The following EMCN variants were observed in gnomAD, a reference collection of about 807,000 sequenced individuals.
EMCN encodes endomucin.
EMCN carries 37 observed loss-of-function variants against 38.4 expected under a neutral mutation model. The ratio of observed to expected loss-of-function variants is 0.96; its 90% CI spans 0.74 to 1.27. The LOEUF is 1.27. Among genes scored for constraint, EMCN ranks in the 50% most tolerant of loss-of-function variants. The pLI is 0.00. For missense variants in EMCN, 318 were observed against 302.8 expected (o/e 1.05, Z -0.37); for synonymous variants, 95 against 100.8 (o/e 0.94, Z 0.35).
At chr4:100,430,552 T>G (rs945332979) in intron 5 of EMCN, among the ~76,000 whole-genome samples, 1 of 151,772 alleles carries the variant, frequency 6.6e-6, no homozygotes, top group Admixed American at 6.6e-5. Flanking sequence ...TGTCGTAGAG[T>G]TCATTGGAGA....
chr4:100,410,741 G>A (rs1424009611), intron 10 of EMCN, among the ~76,000 whole-genome samples: 2 of 152,150 alleles, frequency 1.3e-5, no homozygotes, highest in Non-Finnish European at 2.9e-5. Flanking sequence ...ATTTTATCAG[G>A]AAGACATTCT....
At chr4:100,417,244 G>T in intron 8 of EMCN, 103 bp from the exon 9 acceptor site, 1 of 986,658 alleles carries the variant, frequency 1.0e-6, no homozygotes, top group Non-Finnish European at 1.6e-6. Context: ...TCTTTTCTAT[G>T]CAGAGATGTT....
chr4:100,487,409 C>A (rs924373292), intron 1 of EMCN, among the ~76,000 whole-genome samples: 1 of 152,142 alleles, frequency 6.6e-6, no homozygotes, highest in Non-Finnish European at 1.5e-5. Flanking sequence ...CTGAGGGGAG[C>A]AGCACTGCTT....
intron 2 of EMCN, 57 bp from the exon 3 acceptor site, chr4:100,475,166 A>G: frequency 1.1e-6 from 1 of 910,370 alleles, no homozygotes; most frequent in Non-Finnish European, 1.6e-6. Context: ...TTATCTGTCA[A>G]TAAATAAAGT....
intron 5 of EMCN, among the ~76,000 whole-genome samples, chr4:100,429,945 A>G (rs1051188491): frequency 6.6e-5 from 10 of 152,166 alleles, no homozygotes; most frequent in African/African-American, 2.2e-4. Flanking sequence ...TCTTTCTAAT[A>G]TGCCATGTAA....
chr4:100,490,638 T>G (rs1453236353), intron 1 of EMCN, among the ~76,000 whole-genome samples: 1 of 152,160 alleles, frequency 6.6e-6, no homozygotes, highest in Non-Finnish European at 1.5e-5. Flanking sequence ...CAATAACATG[T>G]TACATCGGTT....
chr4:100,471,483 G>T (rs764804134), intron 3 of EMCN, among the ~76,000 whole-genome samples: 9 of 151,798 alleles, frequency 5.9e-5, no homozygotes, highest in African/African-American at 2.2e-4. Context: ...CAGCACCAGG[G>T]TCTTCCCTGG....
At chr4:100,445,471 A>C (rs1414211848) in intron 5 of EMCN, among the ~76,000 whole-genome samples, 1 of 152,222 alleles carries the variant, frequency 6.6e-6, no homozygotes, top group African/African-American at 2.4e-5. Flanking sequence ...GTTAAAGAAA[A>C]TATCAAATGT....
At chr4:100,466,192 G>GA (rs1409847929) in intron 3 of EMCN, among the ~76,000 whole-genome samples, 9 of 151,588 alleles carry the variant, frequency 5.9e-5, no homozygotes, top group Admixed American at 2.0e-4. Context: ...CATATATTCT[G>GA]AAAAAAAATC....
intron 1 of EMCN, among the ~76,000 whole-genome samples, chr4:100,490,716 A>G (rs1729055432): frequency 1.3e-5 from 2 of 152,214 alleles, no homozygotes; most frequent in Admixed American, 6.5e-5. Flanking sequence ...AGTGCGCTTT[A>G]TGATGTTCAC....
chr4:100,485,064 A>G (rs1170287483), intron 1 of EMCN, among the ~76,000 whole-genome samples: 1 of 152,182 alleles, frequency 6.6e-6, no homozygotes, highest in East Asian at 1.9e-4. Context: ...TGATTTCTTC[A>G]AAAATATATA....
At chr4:100,410,124 G>C (rs1212507308) in intron 11 of EMCN, among the ~76,000 whole-genome samples, 158 bp downstream of exon 11, 1 of 152,206 alleles carries the variant, frequency 6.6e-6, no homozygotes, top group Non-Finnish European at 1.5e-5. Context: ...GGCAATTTTT[G>C]TTAGAGTTTG....
intron 4 of EMCN, among the ~76,000 whole-genome samples, chr4:100,449,725 A>T (rs1727785620): frequency 2.6e-5 from 4 of 152,072 alleles, no homozygotes; most frequent in African/African-American, 9.6e-5. Flanking sequence ...CTAGAGGAAC[A>T]TAATAAAAGA....
intron 1 of EMCN, among the ~76,000 whole-genome samples, chr4:100,512,631 C>G (rs1176053816): frequency 6.6e-6 from 1 of 151,716 alleles, no homozygotes; most frequent in African/African-American, 2.4e-5. Flanking sequence ...ATGGTAAAAC[C>G]CTGTCTCTAC....
intron 1 of EMCN, among the ~76,000 whole-genome samples, chr4:100,516,046 CTTG>C (rs931724316): frequency 6.6e-6 from 1 of 152,056 alleles, no homozygotes; most frequent in African/African-American, 2.4e-5. Context: ...AACAAGTAGA[CTTG>C]TTGGCTGACT....
At chr4:100,447,125 A>G (rs1159568) in intron 5 of EMCN, among the ~76,000 whole-genome samples, 137,244 of 152,252 alleles carry the variant, frequency 0.9, 61,901 homozygotes, top group South Asian at 0.96. Context: ...TAGCATTTTA[A>G]ATTGTTAACT....
At chr4:100,447,508 G>C (rs750788682) in intron 5 of EMCN, 25 bp downstream of exon 5, 2 of 1,554,510 alleles carry the variant, frequency 1.3e-6, no homozygotes, top group African/African-American at 2.7e-5. Context: ...AATACTAAGA[G>C]AGAGACAGAG....
chr4:100,505,113 C>T (rs1268530151), intron 1 of EMCN, among the ~76,000 whole-genome samples: 2 of 152,192 alleles, frequency 1.3e-5, no homozygotes, highest in African/African-American at 2.4e-5. Flanking sequence ...CCCACATGAC[C>T]TTACCTATCA....
chr4:100,402,689 A>C (rs1726288868), intron 11 of EMCN, among the ~76,000 whole-genome samples: 1 of 152,216 alleles, frequency 6.6e-6, no homozygotes, highest in African/African-American at 2.4e-5. Context: ...AAGGCTTGGA[A>C]TCTGAGGCTA....
Sources: allele counts gnomAD v4.1 joint callset (sites outside exome capture counted in the v4.1 genomes callset), GRCh38; gene constraint gnomAD v4.1.1; transcripts MANE v1.5; gene names NCBI Gene and HGNC (gene_info 2026-07-23, HGNC 2026-07-21).